Variants in SUGCT observed in about 807,000 individuals in gnomAD.
SUGCT encodes the protein succinyl-CoA:glutarate CoA-transferase.
SUGCT carries 41 observed loss-of-function variants against 55.0 expected under a neutral mutation model. That is an observed-to-expected ratio of 0.74 (90% CI 0.58 to 0.97). The LOEUF (loss-of-function observed/expected upper bound fraction) is 0.97. Ranked by LOEUF, SUGCT falls within the 50% of genes least tolerant of loss-of-function variation. The pLI is 0.00. For synonymous variants in SUGCT, 187 were observed against 200.4 expected, an observed-to-expected ratio of 0.93 and a Z score of 0.56; for missense variants, 568 against 547.8, an observed-to-expected ratio of 1.04 and a Z score of -0.37.
rs1432702417 is a variant in SUGCT at position 40,473,208 on chromosome 7, CT to C, written c.986+14011del. ...TATGCATGCTGTTTGTGGTTGTTTA[CT>C]GTATTGTTCAATAAATCTTACATAC... On this transcript the variant is annotated intron_variant, in intron 11 of 13. Transcript: ENST00000335693. Among the ~76,000 whole-genome samples, 5 of 152,254 alleles carry C rather than the reference CT, an allele frequency of 3.3e-5. No individual in the cohort carries two copies. The East Asian group carries it at 9.7e-4, about 29-fold the overall frequency.
chr7:40,264,955 T>C (rs1415438846), intron 7 of SUGCT, among the ~76,000 whole-genome samples: 1 of 152,232 alleles, frequency 6.6e-6, no homozygotes, highest in Non-Finnish European at 1.5e-5. Context: ...TTTATACACC[T>C]TTTCTTACTT....
At chr7:40,808,164 G>A (rs1316431176) in intron 13 of SUGCT, 2 of 152,214 alleles carry the variant, frequency 1.3e-5, no homozygotes, top group African/African-American at 4.8e-5. Context: ...GAAAGCACAA[G>A]AGCAGGTGAG....
the SUGCT span, among the ~76,000 whole-genome samples, chr7:40,896,347 A>G: frequency 6.6e-6 from 1 of 152,204 alleles, no homozygotes; most frequent in African/African-American, 2.4e-5. Flanking sequence ...ATGCAAAGAT[A>G]TCCAATGTTT....
chr7:40,470,164 G>A (rs1342675128), intron 11 of SUGCT, among the ~76,000 whole-genome samples: 1 of 152,018 alleles, frequency 6.6e-6, no homozygotes, highest in African/African-American at 2.4e-5. Context: ...GAAATGGATG[G>A]AGAATCTGGA....
chr7:40,148,368 GGCGCGGTGGCTCAT>G (rs1200279886), intron 1 of SUGCT, among the ~76,000 whole-genome samples: 2 of 152,166 alleles, frequency 1.3e-5, no homozygotes, highest in Non-Finnish European at 2.9e-5. Context: ...AACCTGGCCG[GGCGCGGTGGCTCAT>G]GCTTGTAATC....
intron 9 of SUGCT, among the ~76,000 whole-genome samples, chr7:40,367,483 C>T (rs929522577): frequency 2.0e-5 from 3 of 151,640 alleles, no homozygotes; most frequent in East Asian, 1.9e-4. Flanking sequence ...GCTGGCACTG[C>T]GATATTCGCT....
At chr7:40,272,179 T>C (rs1394615608) in intron 7 of SUGCT, among the ~76,000 whole-genome samples, 799 of 59,934 alleles carry the variant, frequency 0.013, 66 homozygotes, top group African/African-American at 0.065. Context: ...TATATATATA[T>C]ATATATATAT....
At chr7:40,637,132 T>C (rs548038969) in intron 12 of SUGCT, among the ~76,000 whole-genome samples, 18 of 152,220 alleles carry the variant, frequency 1.2e-4, no homozygotes, top group Non-Finnish European at 2.2e-4. Flanking sequence ...TTTGATGAAC[T>C]CATAATTTTG....
At chr7:40,752,933 T>C (rs149657986) in intron 13 of SUGCT, among the ~76,000 whole-genome samples, 7 of 152,336 alleles carry the variant, frequency 4.6e-5, no homozygotes, top group Admixed American at 2.0e-4. Context: ...GTATTCTTTC[T>C]ATAGAATTAT....
At chr7:40,390,422 G>A (rs942446193) in intron 9 of SUGCT, among the ~76,000 whole-genome samples, 7 of 152,280 alleles carry the variant, frequency 4.6e-5, no homozygotes, top group African/African-American at 1.7e-4. Context: ...AAGCTGATAA[G>A]CAACTTCAGC....
chr7:40,154,203 T>C, intron 1 of SUGCT: 1 of 172,496 alleles, frequency 5.8e-6, no homozygotes, highest in East Asian at 1.7e-4. Context: ...TTCCCAACAC[T>C]GGAAATGTCA....
chr7:40,696,072 A>G (rs1784923628), intron 12 of SUGCT, among the ~76,000 whole-genome samples: 1 of 152,184 alleles, frequency 6.6e-6, no homozygotes, highest in Non-Finnish European at 1.5e-5. Flanking sequence ...GTTTCTGTCT[A>G]ATAGCATATG....
chr7:40,838,731 GC>G (rs978900355), intron 13 of SUGCT, among the ~76,000 whole-genome samples: 3 of 151,984 alleles, frequency 2.0e-5, no homozygotes, highest in African/African-American at 7.2e-5. Flanking sequence ...CAAACTATAT[GC>G]CCTTTATTTC....
At chr7:40,552,907 C>T (rs553924120) in intron 12 of SUGCT, among the ~76,000 whole-genome samples, 3 of 152,136 alleles carry the variant, frequency 2.0e-5, no homozygotes, top group African/African-American at 7.2e-5. Flanking sequence ...GCTGTGATTG[C>T]AGACCTTGTA....
At position 40,462,328 on chromosome 7, in the gene SUGCT, G is replaced by A. The variant is rs550599648; in HGVS notation, c.986+3130G>A. Among the ~76,000 whole-genome samples the A allele has an allele frequency of 2.4e-4, 37 of 152,282 alleles. No individual in the cohort carries two copies. In the South Asian group the frequency reaches 7.3e-3, roughly 30 times the overall value. On this transcript the variant is annotated intron_variant, in intron 11 of 13. Coordinates refer to ENST00000335693, the MANE Select transcript of SUGCT (RefSeq NM_001193313.2). The stretch of plus-strand genomic sequence containing the variant: ...GGACAGTGTGCTTGGATCTGAGGGA[G>A]CAAGAGAAGAGGGGTGTCAGGTTGG...
At chr7:40,755,470 T>C (rs1434944749) in intron 13 of SUGCT, among the ~76,000 whole-genome samples, 1 of 152,234 alleles carries the variant, frequency 6.6e-6, no homozygotes, top group Non-Finnish European at 1.5e-5. Flanking sequence ...GTGACTTTAG[T>C]GGGAAGATCT....
intron 7 of SUGCT, among the ~76,000 whole-genome samples, chr7:40,252,357 G>A (rs1470051210): frequency 1.3e-5 from 2 of 152,068 alleles, no homozygotes; most frequent in Non-Finnish European, 2.9e-5. Context: ...GGGCTCAAGC[G>A]ATCTGCCTGC....
At chr7:40,746,586 T>C (rs532271344) in intron 12 of SUGCT, among the ~76,000 whole-genome samples, 2 of 152,334 alleles carry the variant, frequency 1.3e-5, no homozygotes, top group South Asian at 2.1e-4. Flanking sequence ...TGCAAAGGCA[T>C]TGATAAGGTT....
chr7:40,258,468 T>TC (rs1489352191), intron 7 of SUGCT, among the ~76,000 whole-genome samples: 10 of 152,174 alleles, frequency 6.6e-5, no homozygotes, highest in Non-Finnish European at 7.3e-5. Flanking sequence ...AACCTCCACC[T>TC]CCCGGGTTCA....
Sources: allele counts gnomAD v4.1 joint callset (sites outside exome capture counted in the v4.1 genomes callset), GRCh38; gene constraint gnomAD v4.1.1; transcripts MANE v1.5; gene names NCBI Gene and HGNC (gene_info 2026-07-23, HGNC 2026-07-21).